The following CREB1 variants were observed in gnomAD, a reference collection of about 807,000 sequenced individuals.
CREB1 encodes cyclic AMP-responsive element-binding protein 1.
In CREB1, 2 loss-of-function variants were observed where a neutral mutation model predicts 42.0. The ratio of observed to expected loss-of-function variants is 0.05; its 90% CI spans 0.02 to 0.15. The LOEUF (loss-of-function observed/expected upper bound fraction) is 0.15, where lower values mean the gene tolerates loss of function less well. Among genes scored for constraint, CREB1 ranks in the 10% least tolerant of loss-of-function variants. The pLI, the probability that CREB1 is intolerant of heterozygous loss-of-function variation, is 1.00. For synonymous variants in CREB1, 123 were observed against 139.9 expected, an observed-to-expected ratio of 0.88 and a Z score of 0.85; for missense variants, 199 against 388.9, an observed-to-expected ratio of 0.51 and a Z score of 4.11.
At chr2:207,556,373 G>T (rs1317303247) in intron 2 of CREB1, among the ~76,000 whole-genome samples, 1 of 152,108 alleles carries the variant, frequency 6.6e-6, no homozygotes, top group Non-Finnish European at 1.5e-5. Flanking sequence ...AATGAGAAAG[G>T]TGGTTAACTT....
chr2:207,576,201 T>A (rs1480910477), intron 6 of CREB1, among the ~76,000 whole-genome samples: 17 of 151,048 alleles, frequency 1.1e-4, no homozygotes, highest in Admixed American at 1.1e-3. Flanking sequence ...AAAAAGTAGT[T>A]GTTAAATTCT....
intron 1 of CREB1, among the ~76,000 whole-genome samples, chr2:207,548,968 G>T (rs2081399030): frequency 6.6e-6 from 1 of 152,098 alleles, no homozygotes; most frequent in Non-Finnish European, 1.5e-5. Flanking sequence ...AACTTTTCTT[G>T]CTTTGTAATA....
At chr2:207,532,040 G>C (rs1385663061) in intron 1 of CREB1, among the ~76,000 whole-genome samples, 1 of 152,182 alleles carries the variant, frequency 6.6e-6, no homozygotes, top group Non-Finnish European at 1.5e-5. Flanking sequence ...GCCACTATCA[G>C]TAGAGTAGAA....
chr2:207,579,526 T>G (rs2082752587), intron 7 of CREB1, among the ~76,000 whole-genome samples: 1 of 152,242 alleles, frequency 6.6e-6, no homozygotes, highest in South Asian at 2.1e-4. Flanking sequence ...TTCAGATTTA[T>G]GACCACTGCC....
intron 2 of CREB1, among the ~76,000 whole-genome samples, chr2:207,558,870 A>G (rs891954884): frequency 6.6e-6 from 1 of 151,924 alleles, no homozygotes; most frequent in Non-Finnish European, 1.5e-5. Flanking sequence ...CTCGAACTCT[A>G]GACCTCAGAT....
At chr2:207,531,507 C>T (rs907703533) in intron 1 of CREB1, among the ~76,000 whole-genome samples, 1 of 152,144 alleles carries the variant, frequency 6.6e-6, no homozygotes, top group East Asian at 1.9e-4. Context: ...TTTTGAAGGA[C>T]GTGCGGTATG....
At chr2:207,584,088 A>T (rs576688508) in intron 7 of CREB1, among the ~76,000 whole-genome samples, 20 of 152,320 alleles carry the variant, frequency 1.3e-4, no homozygotes, top group African/African-American at 4.3e-4. Context: ...CATCCCAGTT[A>T]TTTCCAGTTT....
At position 207,569,574 on chromosome 2, in the gene CREB1, G is replaced by A. The variant is rs192262679; in HGVS notation, c.363-605G>A. On this transcript the variant is annotated intron_variant, in intron 4 of 7. Transcript: ENST00000353267. ...ACTTTGTGTATGTGTTCTTTGAGAT[G>A]CAAAAGATTTTTTTTAATGTAGTCA... Among the ~76,000 whole-genome samples the A allele has an allele frequency of 1.4e-3, 206 of 151,926 alleles. 1 individual carries two copies. Among genetic ancestry groups the A allele is most frequent in the Non-Finnish European group, 1.2e-3 (80 of 67,948 alleles).
chr2:207,535,656 AT>A (rs994553294), intron 1 of CREB1, among the ~76,000 whole-genome samples: 12 of 151,936 alleles, frequency 7.9e-5, no homozygotes, highest in Non-Finnish European at 2.9e-5. Flanking sequence ...TGCATAGATG[AT>A]TTTTTTACCC....
chr2:207,566,704 T>G (rs996117329), intron 3 of CREB1, among the ~76,000 whole-genome samples: 4 of 152,208 alleles, frequency 2.6e-5, no homozygotes, highest in Non-Finnish European at 4.4e-5. Context: ...ATCTATGGAA[T>G]GGATATAATA....
At position 207,598,351 on chromosome 2, in the gene CREB1, T is replaced by C; in HGVS notation, c.*1293T>C. The C allele has an allele frequency of 5.4e-6, 1 of 184,024 alleles. No homozygotes were observed. The highest frequency in any genetic ancestry group is 1.2e-5 in the Non-Finnish European group (1 of 86,666). 11.4% of individuals were successfully genotyped at this position (184,024 alleles called of 1,614,324 possible). On this transcript the variant is annotated 3_prime_UTR_variant, in exon 8 of 8. Coordinates refer to ENST00000353267, the MANE Select transcript of CREB1 (RefSeq NM_004379.5). ...TGCTTTAGCTTTCCAATATGCTGTA[T>C]AGCCTTTGTCATTTTATAATTTTAA... is the stretch of plus-strand genomic sequence containing the variant.
chr2:207,602,997 T>C lies in CREB1; in HGVS notation c.*5939T>C, dbSNP rs1030288391. 22 of 213,994 alleles carry C rather than the reference T, an allele frequency of 1.0e-4. No individual in the cohort carries two copies. Among genetic ancestry groups the C allele is most frequent in the African/African-American group, 4.5e-4 (20 of 44,326 alleles). The allele number at this position is 213,994 out of a possible 1,614,324, so 13.3% of individuals were successfully genotyped here. ...AGAAAGGTGTTTGGCTTTTTGGTTT[T>C]TGAGGGTTGGGGTAAAGAAGACTTC... On this transcript the variant is annotated 3_prime_UTR_variant, in exon 8 of 8. Transcript: ENST00000353267.
At chr2:207,557,746 T>C (rs1002058057) in intron 2 of CREB1, among the ~76,000 whole-genome samples, 3 of 152,198 alleles carry the variant, frequency 2.0e-5, no homozygotes, top group African/African-American at 7.2e-5. Context: ...AGTGATTAGC[T>C]ATGGGTGATA....
At chr2:207,542,554 G>A (rs1473969910) in intron 1 of CREB1, among the ~76,000 whole-genome samples, 1 of 151,972 alleles carries the variant, frequency 6.6e-6, no homozygotes, top group Non-Finnish European at 1.5e-5. Context: ...TATTATTCTA[G>A]ATACAAATCT....
chr2:207,560,150 A>G, intron 2 of CREB1, 76 bp from the exon 3 acceptor site: 3 of 1,366,154 alleles, frequency 2.2e-6, no homozygotes, highest in South Asian at 2.1e-5. Flanking sequence ...GCTTCTAAAA[A>G]GTTATTTCAT....
At chr2:207,585,289 A>G (rs541311765) in intron 7 of CREB1, among the ~76,000 whole-genome samples, 6 of 152,354 alleles carry the variant, frequency 3.9e-5, no homozygotes, top group African/African-American at 1.4e-4. Context: ...AAGCCACTGA[A>G]GAAATCATAG....
At chr2:207,583,604 A>G (rs2106633986) in intron 7 of CREB1, among the ~76,000 whole-genome samples, 1 of 152,314 alleles carries the variant, frequency 6.6e-6, no homozygotes, top group Non-Finnish European at 1.5e-5. Context: ...GTTATATCAT[A>G]TGATTGTAGT....
At chr2:207,563,715 G>A (rs566739264) in intron 3 of CREB1, among the ~76,000 whole-genome samples, 3 of 152,252 alleles carry the variant, frequency 2.0e-5, no homozygotes, top group South Asian at 2.1e-4. Flanking sequence ...AGGCTGAGGC[G>A]GGCGGATCAC....
At chr2:207,576,346 T>C (rs986155862) in intron 6 of CREB1, among the ~76,000 whole-genome samples, 1 of 151,214 alleles carries the variant, frequency 6.6e-6, no homozygotes, top group Non-Finnish European at 1.5e-5. Flanking sequence ...TTCAAGAATA[T>C]AGTTAATGCC....
Sources: allele counts gnomAD v4.1 joint callset (sites outside exome capture counted in the v4.1 genomes callset), GRCh38; gene constraint gnomAD v4.1.1; transcripts MANE v1.5; gene names NCBI Gene and HGNC (gene_info 2026-07-23, HGNC 2026-07-21).